THOC2: variants seen among roughly 807,000 people sequenced by gnomAD.
THOC2 encodes the protein THO complex subunit 2, also known as THO complex 2.
A neutral mutation model predicts 128.4 loss-of-function variants in THOC2; 10 were observed. The ratio of observed to expected loss-of-function variants is 0.08; its 90% confidence interval spans 0.05 to 0.13. THOC2 has a LOEUF of 0.13. THOC2 is among the 10% of genes least tolerant of loss of function. The pLI is 1.00. For synonymous variants in THOC2, 393 were observed against 396.9 expected, an observed-to-expected ratio of 0.99 and a Z score of 0.12; for missense variants, 535 against 1,155.7, an observed-to-expected ratio of 0.46 and a Z score of 7.79.
chrX:123,725,896 G>A (rs139474378), intron 1 of THOC2, among the ~76,000 whole-genome samples: 1,670 of 111,007 alleles, frequency 0.015, 29 homozygotes, highest in African/African-American at 0.051. Flanking sequence ...TCCCTTATAG[G>A]GTCAATTCTC....
chrX:123,639,442 G>C (rs763814179), intron 16 of THOC2, among the ~76,000 whole-genome samples: 1 of 111,765 alleles, frequency 8.9e-6, no homozygotes. Flanking sequence ...GTGTTTTATA[G>C]TTCTAGTAGA....
Position 123,639,015 on chromosome X carries a change from T to C in THOC2, c.1759A>G (p.Ile587Val), listed in dbSNP as rs1407053185. ...GTTATTAAGTTATCATACTTCTGTA[T>C]TTGTGACAAGATCTGGAAAACAGCA... ...TILFDYILSQIQKYDNLITPV... is the reference protein window; with the variant it reads ...TILFDYILSQVQKYDNLITPV... Residue 587 changes from isoleucine to valine, a missense_variant, in exon 17 of 39, where the codon ATA becomes GTA. Transcript: ENST00000245838. The C allele has an allele frequency of 8.6e-7, 1 of 1,156,914 alleles. No homozygotes were observed. The highest frequency in any genetic ancestry group is 1.8e-5 in the African/African-American group (1 of 56,573).
chrX:123,703,890 T>TAGAAAAAAAAAAAA (rs2050811035), intron 3 of THOC2, among the ~76,000 whole-genome samples: 1 of 37,029 alleles, frequency 2.7e-5, no homozygotes, highest in African/African-American at 1.5e-4. Context: ...ACTCTGTCTT[T>TAGAAAAAAAAAAAA]AAAAAAAAAA....
chrX:123,679,577 C>A (rs937237830), intron 8 of THOC2, among the ~76,000 whole-genome samples: 1 of 111,840 alleles, frequency 8.9e-6, no homozygotes, highest in African/African-American at 3.3e-5. Context: ...TTGATGCCCA[C>A]ACTTCTATTT....
intron 1 of THOC2, among the ~76,000 whole-genome samples, chrX:123,731,603 T>C (rs1421958170): frequency 1.8e-5 from 2 of 112,049 alleles, no homozygotes; most frequent in African/African-American, 6.5e-5. Context: ...GTAGAGTACT[T>C]ATTATTCCCA....
Position 123,664,895 on chromosome X carries a change from T to A in THOC2, c.1386+747A>T, listed in dbSNP as rs140238878. 5.6e-3 allele frequency among the ~76,000 whole-genome samples: 629 copies of A among 111,798 alleles called. 4 individuals carry two copies. Among genetic ancestry groups the A allele is most frequent in the Middle Eastern group, 0.018 (4 of 217 alleles). Reference sequence around the variant, plus strand: ...ATAAATAAATAAAAGAATGGGTCCTTAACAGTCTGAGGCTGAAAAGACTTC... The same window carrying A: ...ATAAATAAATAAAAGAATGGGTCCTAAACAGTCTGAGGCTGAAAAGACTTC... On this transcript the variant is annotated intron_variant, in intron 12 of 38. Coordinates refer to ENST00000245838, the MANE Select transcript of THOC2 (RefSeq NM_001081550.2).
At chrX:123,665,918 A>C in intron 11 of THOC2, 81 bp from the exon 12 acceptor site, 1 of 546,900 alleles carries the variant, frequency 1.8e-6, no homozygotes, top group Non-Finnish European at 2.5e-6. Flanking sequence ...ACACTACAAT[A>C]TCTACCATTT....
chrX:123,638,750 A>ACT (rs1190063571), intron 17 of THOC2, among the ~76,000 whole-genome samples, 184 bp downstream of exon 17: 1,722 of 99,159 alleles, frequency 0.017, 43 homozygotes, highest in African/African-American at 0.058. Flanking sequence ...ACACACACAC[A>ACT]CTCTCTCTCT....
At chrX:123,634,345 A>G (rs1039580489) in intron 19 of THOC2, among the ~76,000 whole-genome samples, 3 of 110,697 alleles carry the variant, frequency 2.7e-5, no homozygotes, top group Admixed American at 9.7e-5. Context: ...CTTTACCTCA[A>G]CTTCACCTGG....
At chrX:123,656,437 G>A (rs781114052) in intron 12 of THOC2, among the ~76,000 whole-genome samples, 5 of 110,351 alleles carry the variant, frequency 4.5e-5, no homozygotes, top group African/African-American at 1.3e-4. Flanking sequence ...GGCTGGGTAC[G>A]GTGTTTGACA....
chrX:123,732,683 G>C (rs943043541), intron 1 of THOC2, among the ~76,000 whole-genome samples: 2 of 111,990 alleles, frequency 1.8e-5, no homozygotes, highest in African/African-American at 6.5e-5. Flanking sequence ...GAGACCTGCA[G>C]GGGCGGAATA....
intron 38 of THOC2, among the ~76,000 whole-genome samples, chrX:123,608,166 C>A (rs1437108492): frequency 9.0e-6 from 1 of 111,096 alleles, no homozygotes; most frequent in Non-Finnish European, 1.9e-5. Flanking sequence ...TTTGGGAGGC[C>A]GAGGCAGGTG....
chrX:123,636,000 G>T, intron 19 of THOC2, 79 bp downstream of exon 19: 1 of 723,911 alleles, frequency 1.4e-6, no homozygotes, highest in Non-Finnish European at 2.0e-6. Context: ...GTAGTCTTTC[G>T]GGATAACAGA....
chrX:123,683,019 G>A (rs2049850728), intron 8 of THOC2, among the ~76,000 whole-genome samples: 1 of 111,367 alleles, frequency 9.0e-6, no homozygotes, highest in South Asian at 3.8e-4. Context: ...CTCTCATGCT[G>A]TCCCCAAATC....
At chrX:123,686,307 C>G (rs1033946294) in intron 8 of THOC2, among the ~76,000 whole-genome samples, 1 of 111,654 alleles carries the variant, frequency 9.0e-6, no homozygotes, top group Non-Finnish European at 1.9e-5. Context: ...ATAAAGTCTT[C>G]CCTGACTCCA....
chrX:123,637,539 C>A (rs1277430022), intron 18 of THOC2, among the ~76,000 whole-genome samples: 1 of 111,143 alleles, frequency 9.0e-6, no homozygotes, highest in Non-Finnish European at 1.9e-5. Flanking sequence ...GTGGGCGGAT[C>A]ACTTGAGGTC....
chrX:123,650,170 AG>A lies in THOC2; in HGVS notation c.1387-4796del, dbSNP rs201085969. Among the ~76,000 whole-genome samples the A allele has an allele frequency of 6.3e-3, 711 of 112,203 alleles. 7 individuals are homozygous for A. The highest frequency in any genetic ancestry group is 0.011 in the Admixed American group (121 of 10,528). On this transcript the variant is annotated intron_variant, in intron 12 of 38. Transcript: ENST00000245838. ...CTAAAAATAAACATTCTTAAAGAAA[AG>A]AATTTTCAACCCCGAATTTCATATC... is the stretch of plus-strand genomic sequence containing the variant.
chrX:123,673,602 T>TCC (rs2049368764), intron 8 of THOC2, among the ~76,000 whole-genome samples: 1 of 111,792 alleles, frequency 8.9e-6, no homozygotes, highest in Non-Finnish European at 1.9e-5. Context: ...CCCTGTTCTG[T>TCC]CCCATCATAC....
intron 8 of THOC2, among the ~76,000 whole-genome samples, chrX:123,678,962 T>C (rs1432056767): frequency 9.0e-6 from 1 of 111,204 alleles, no homozygotes; most frequent in Non-Finnish European, 1.9e-5. Flanking sequence ...TCCTCCTATA[T>C]CAAGTTAATC....
Sources: gnomAD v4.1 joint callset for allele counts (sites outside exome capture counted in the v4.1 genomes callset) on GRCh38, gnomAD v4.1.1 for gene constraint, MANE v1.5 for transcripts, NCBI Gene and HGNC (gene_info 2026-07-23, HGNC 2026-07-21) for gene names.